Variants in RASSF3 observed in about 807,000 individuals in gnomAD.
RASSF3 encodes Ras association domain family member 3.
A neutral mutation model predicts 19.9 loss-of-function variants in RASSF3; 19 were observed. That is an observed-to-expected ratio of 0.96 (90% confidence interval 0.67 to 1.40). The LOEUF is 1.40. RASSF3 is among the 40% of genes most tolerant of loss of function. The pLI is 0.00. For synonymous variants in RASSF3, 110 were observed against 104.2 expected, an observed-to-expected ratio of 1.06 and a Z score of -0.34; for missense variants, 306 against 289.8, an observed-to-expected ratio of 1.06 and a Z score of -0.41.
intron 1 of RASSF3, among the ~76,000 whole-genome samples, chr12:64,515,865 C>T (rs1025062250): frequency 6.6e-6 from 1 of 152,118 alleles, no homozygotes; most frequent in African/African-American, 2.4e-5. Flanking sequence ...TAGGGCCTTT[C>T]AAGCTAGAAA....
chr12:64,687,492 TG>T (rs1873405123), intron 2 of RASSF3, among the ~76,000 whole-genome samples: 1 of 151,784 alleles, frequency 6.6e-6, no homozygotes, highest in African/African-American at 2.4e-5. Context: ...TTTTTTTTTT[TG>T]AGACAGAATC....
At chr12:64,675,089 C>T (rs1254408622) in intron 1 of RASSF3, among the ~76,000 whole-genome samples, 1 of 119,920 alleles carries the variant, frequency 8.3e-6, no homozygotes, top group Admixed American at 1.1e-4. Context: ...TAACAAGTAA[C>T]CTCAAGGACC....
chr12:64,687,818 C>T (rs2136221401), intron 2 of RASSF3, among the ~76,000 whole-genome samples: 1 of 152,212 alleles, frequency 6.6e-6, no homozygotes, highest in East Asian at 1.9e-4. Flanking sequence ...ATGTTGTTTC[C>T]TTTGAGCCTG....
intron 1 of RASSF3, among the ~76,000 whole-genome samples, chr12:64,523,880 A>G (rs1330044082): frequency 6.6e-6 from 1 of 151,742 alleles, no homozygotes; most frequent in African/African-American, 2.4e-5. Context: ...CCAAGGGACA[A>G]ATGTTTTCAA....
At chr12:64,628,959 G>C (rs1043403816) in intron 1 of RASSF3, among the ~76,000 whole-genome samples, 1 of 151,648 alleles carries the variant, frequency 6.6e-6, no homozygotes, top group Non-Finnish European at 1.5e-5. Flanking sequence ...TTTTGAGACA[G>C]GGTCTTGCTT....
At chr12:64,528,646 A>T (rs759323691), upstream of RASSF3, among the ~76,000 whole-genome samples, 1 of 152,188 alleles carries the variant, frequency 6.6e-6, no homozygotes, top group Non-Finnish European at 1.5e-5. Flanking sequence ...TACAAAGGAA[A>T]CCTCCCTTTA....
At chr12:64,687,080 C>T (rs7307915) in intron 2 of RASSF3, among the ~76,000 whole-genome samples, 12,327 of 151,786 alleles carry the variant, frequency 0.081, 515 homozygotes, top group Non-Finnish European at 0.09. Context: ...CTGCAACCTC[C>T]ACCTCTGGGT....
intron 1 of RASSF3, among the ~76,000 whole-genome samples, chr12:64,507,849 T>C (rs918318738): frequency 2.0e-5 from 3 of 152,150 alleles, no homozygotes; most frequent in Non-Finnish European, 4.4e-5. Flanking sequence ...TTATATTTGC[T>C]ACCATATAAA....
chr12:64,621,501 G>A (rs140112692), intron 1 of RASSF3, among the ~76,000 whole-genome samples: 34 of 152,048 alleles, frequency 2.2e-4, no homozygotes, highest in Non-Finnish European at 7.4e-5. Flanking sequence ...TTTTAAGATG[G>A]AGTTTCGGTC....
At chr12:64,641,419 C>CACACACACACAT (rs769330728) in intron 1 of RASSF3, among the ~76,000 whole-genome samples, 2 of 150,662 alleles carry the variant, frequency 1.3e-5, no homozygotes, top group African/African-American at 2.5e-5. Flanking sequence ...CACACACGCG[C>CACACACACACAT]GCGCGCGCGT....
At chr12:64,657,208 C>T (rs1716515) in intron 1 of RASSF3, among the ~76,000 whole-genome samples, 8 of 151,942 alleles carry the variant, frequency 5.3e-5, no homozygotes, top group Non-Finnish European at 8.8e-5. Flanking sequence ...GTTGGGGTTT[C>T]GCCACGTGGG....
Position 64,695,028 on chromosome 12 carries a change from C to G in RASSF3, c.*116C>G. On this transcript the variant is annotated 3_prime_UTR_variant, in exon 5 of 5. Coordinates refer to ENST00000542104, the MANE Select transcript of RASSF3 (RefSeq NM_178169.4). Reference sequence around the variant, plus strand: ...CCACTATGCTAGGGTCTTCGCCTTTCTATCTGTAGATTTTGTTCCCCAAAC... The same window carrying G: ...CCACTATGCTAGGGTCTTCGCCTTTGTATCTGTAGATTTTGTTCCCCAAAC... 3.5e-6 allele frequency: 4 copies of G among 1,142,744 alleles called. No individual in the cohort carries two copies. The highest frequency in any genetic ancestry group is 4.9e-6 in the Non-Finnish European group (4 of 819,860). 70.8% of individuals were successfully genotyped at this position (1,142,744 alleles called of 1,614,324 possible). A position where few individuals can be genotyped will look rare whatever the true frequency, so the allele number is the denominator to read the frequency against.
chr12:64,612,772 G>A (rs886582783), intron 1 of RASSF3, among the ~76,000 whole-genome samples: 7 of 151,922 alleles, frequency 4.6e-5, no homozygotes, highest in African/African-American at 7.3e-5. Context: ...CACCGCCCCC[G>A]GCACATTTAT....
chr12:64,635,470 G>A (rs1036541548), intron 1 of RASSF3, among the ~76,000 whole-genome samples: 2 of 152,182 alleles, frequency 1.3e-5, no homozygotes, highest in African/African-American at 4.8e-5. Context: ...CACTGTCAAT[G>A]TCTGTGTAAG....
At chr12:64,549,420 G>A (rs1375649360) in intron 2 of RASSF3, among the ~76,000 whole-genome samples, 1 of 152,126 alleles carries the variant, frequency 6.6e-6, no homozygotes, top group Non-Finnish European at 1.5e-5. Flanking sequence ...TTTGTTGTAT[G>A]TTTGTTTCCT....
intron 2 of RASSF3, among the ~76,000 whole-genome samples, chr12:64,570,409 TAATATCAAGGGAC>T (rs1869499426): frequency 6.6e-6 from 1 of 152,156 alleles, no homozygotes; most frequent in Admixed American, 6.6e-5. Context: ...ATCATAATAA[TAATATCAAGGGAC>T]AAACAGAGCT....
intron 1 of RASSF3, among the ~76,000 whole-genome samples, chr12:64,653,287 C>A (rs1433699212): frequency 6.6e-6 from 1 of 152,008 alleles, no homozygotes; most frequent in Non-Finnish European, 1.5e-5. Flanking sequence ...ACTGTATTGC[C>A]CTGGCTGGTC....
chr12:64,642,644 TAATTAATACA>T (rs1375644240), intron 1 of RASSF3, among the ~76,000 whole-genome samples: 1 of 148,358 alleles, frequency 6.7e-6, no homozygotes, highest in African/African-American at 2.6e-5. Context: ...AATACAAAGT[TAATTAATACA>T]AATTAATACA....
intron 2 of RASSF3, among the ~76,000 whole-genome samples, chr12:64,595,889 G>T (rs1869992257): frequency 1.3e-5 from 2 of 152,074 alleles, no homozygotes; most frequent in Non-Finnish European, 2.9e-5. Flanking sequence ...CCCAAGGCAG[G>T]TCATAGAAAC....
Sources: gnomAD v4.1 joint callset for allele counts (sites outside exome capture counted in the v4.1 genomes callset) on GRCh38, gnomAD v4.1.1 for gene constraint, MANE v1.5 for transcripts, NCBI Gene and HGNC (gene_info 2026-07-23, HGNC 2026-07-21) for gene names.